Variants in DLGAP2 observed in about 807,000 individuals in gnomAD.
The protein encoded by DLGAP2 is DLG associated protein 2, also known as disks large-associated protein 2.
Under a neutral mutation model 100.3 loss-of-function variants are expected in DLGAP2, and 26 were observed. The ratio of observed to expected loss-of-function variants is 0.26; its 90% CI spans 0.19 to 0.36. The LOEUF is 0.36. Among genes scored for constraint, DLGAP2 ranks in the 10% least tolerant of loss-of-function variants. DLGAP2 has a pLI of 1.00. For missense variants in DLGAP2, 1,858 were observed against 1,453.2 expected (o/e 1.28, Z -4.53); for synonymous variants, 886 against 630.1 (o/e 1.41, Z -6.08).
chr8:1,039,997 A>AGTTTCCGTGGTCAGCTCG (rs879586513), intron 2 of DLGAP2, among the ~76,000 whole-genome samples: 22 of 43,850 alleles, frequency 5.0e-4, no homozygotes, highest in African/African-American at 1.4e-3. Context: ...TGGTCTGCTC[A>AGTTTCCGTGGTCAGCTCG]GTTTCCGTGG....
At chr8:1,670,095 CAGGT>C (rs1295119997) in intron 10 of DLGAP2, among the ~76,000 whole-genome samples, 1 of 152,174 alleles carries the variant, frequency 6.6e-6, no homozygotes, top group Non-Finnish European at 1.5e-5. Flanking sequence ...CCAAATTAGC[CAGGT>C]GACTTCCCAT....
intron 2 of DLGAP2, among the ~76,000 whole-genome samples, chr8:1,179,471 C>G (rs929055055): frequency 2.0e-5 from 3 of 152,264 alleles, no homozygotes; most frequent in Non-Finnish European, 4.4e-5. Context: ...GCGTCCCCAG[C>G]AGGCTCTGCA....
chr8:1,587,188 C>G (rs995654257), intron 6 of DLGAP2, among the ~76,000 whole-genome samples: 1 of 152,228 alleles, frequency 6.6e-6, no homozygotes, highest in African/African-American at 2.4e-5. Flanking sequence ...AAATACTGGT[C>G]TCTTTGCAGA....
At chr8:810,719 A>G (rs1400882989) in intron 1 of DLGAP2, among the ~76,000 whole-genome samples, 1 of 152,214 alleles carries the variant, frequency 6.6e-6, no homozygotes, top group African/African-American at 2.4e-5. Flanking sequence ...GGAGGAAGAA[A>G]AATAGCTGGC....
At chr8:1,163,855 A>C (rs1056715985) in intron 2 of DLGAP2, among the ~76,000 whole-genome samples, 2 of 152,168 alleles carry the variant, frequency 1.3e-5, no homozygotes, top group Non-Finnish European at 2.9e-5. Context: ...TCTGCTCAGC[A>C]CTGCGGCTGC....
intron 2 of DLGAP2, among the ~76,000 whole-genome samples, chr8:1,194,665 G>A (rs991204955): frequency 5.9e-5 from 9 of 152,206 alleles, no homozygotes; most frequent in Non-Finnish European, 1.0e-4. Context: ...GCTGCTTTGG[G>A]AAACTCACCT....
chr8:1,323,858 C>G (rs1357297949), intron 3 of DLGAP2, among the ~76,000 whole-genome samples: 2 of 152,224 alleles, frequency 1.3e-5, no homozygotes, highest in Non-Finnish European at 2.9e-5. Flanking sequence ...GGCTGTACTA[C>G]TAGCTGAAAC....
Position 1,229,657 on chromosome 8 carries a change from C to A in DLGAP2, c.74-29194C>A, listed in dbSNP as rs79591394. Among the ~76,000 whole-genome samples the A allele has an allele frequency of 6.8e-3, 1,039 of 152,282 alleles. 12 individuals are homozygous for A. The highest frequency in any genetic ancestry group is 0.024 in the African/African-American group (995 of 41,556). On this transcript the variant is annotated intron_variant, in intron 2 of 14. Coordinates refer to ENST00000637795, the MANE Select transcript of DLGAP2 (RefSeq NM_001346810.2). Reference sequence around the variant, plus strand: ...ACTAATAAAACCAACAGCACATCAACAAGTTAATTCACCACAATCAAGTAG... The same window carrying A: ...ACTAATAAAACCAACAGCACATCAAAAAGTTAATTCACCACAATCAAGTAG...
In DLGAP2 at chr8:1,702,237, A is replaced by G. The variant is rs911933932; in HGVS notation, c.*831A>G. 6.6e-6 allele frequency: 1 copy of G among 151,818 alleles called. No homozygotes were observed. Among genetic ancestry groups the G allele is most frequent in the Non-Finnish European group, 1.5e-5 (1 of 67,902 alleles). The allele number at this position is 151,818 out of a possible 1,614,324, so 9.4% of individuals were successfully genotyped here. ...GTTATTGTATTTTTTATTTCTTTCTAACTTAAAATACGACACCCAGTATTT... is the reference window on the plus strand; with the variant it reads ...GTTATTGTATTTTTTATTTCTTTCTGACTTAAAATACGACACCCAGTATTT... On this transcript the variant is annotated 3_prime_UTR_variant, in exon 15 of 15. Transcript: ENST00000637795.
At chr8:787,005 C>G (rs1459496035) in intron 1 of DLGAP2, among the ~76,000 whole-genome samples, 1 of 152,088 alleles carries the variant, frequency 6.6e-6, no homozygotes, top group Non-Finnish European at 1.5e-5. Flanking sequence ...GGAACAAGAC[C>G]TTTCTCTTTC....
chr8:1,556,179 G>T (rs116049105), intron 5 of DLGAP2, among the ~76,000 whole-genome samples: 1 of 152,318 alleles, frequency 6.6e-6, no homozygotes, highest in South Asian at 2.1e-4. Context: ...GCCACCGAGT[G>T]GTCACCTTGT....
intron 2 of DLGAP2, among the ~76,000 whole-genome samples, chr8:1,184,678 C>G (rs139661958): frequency 6.6e-6 from 1 of 152,202 alleles, no homozygotes; most frequent in African/African-American, 2.4e-5. Context: ...TTGCGGGAAA[C>G]AGTGGGGTGT....
At chr8:1,368,267 C>T (rs1027004634) in intron 3 of DLGAP2, among the ~76,000 whole-genome samples, 4 of 151,242 alleles carry the variant, frequency 2.6e-5, no homozygotes, top group Non-Finnish European at 5.9e-5. Flanking sequence ...TGCGTGTGTG[C>T]AGGTATGTGT....
intron 3 of DLGAP2, among the ~76,000 whole-genome samples, chr8:1,370,488 C>T (rs541517460): frequency 1.0e-3 from 159 of 152,326 alleles, no homozygotes; most frequent in African/African-American, 3.8e-3. Flanking sequence ...CCTTTATCTT[C>T]TATTTAAAGC....
At chr8:1,587,680 A>G (rs930815544) in intron 6 of DLGAP2, among the ~76,000 whole-genome samples, 1 of 152,218 alleles carries the variant, frequency 6.6e-6, no homozygotes, top group Non-Finnish European at 1.5e-5. Flanking sequence ...TAGGGTTACT[A>G]TTAAAAATAT....
intron 2 of DLGAP2, among the ~76,000 whole-genome samples, chr8:1,036,664 C>A (rs1802134465): frequency 1.3e-5 from 2 of 152,092 alleles, no homozygotes; most frequent in Admixed American, 6.5e-5. Context: ...TTGAACCGTG[C>A]ACCCTAGAGA....
rs542176727 is a variant in DLGAP2, at chr8:947,960, G to A, written c.73+39994G>A. Among the ~76,000 whole-genome samples the A allele has an allele frequency of 8.4e-4, 123 of 146,180 alleles. 1 individual carries two copies. The highest frequency in any genetic ancestry group is 3.0e-3 in the African/African-American group (116 of 39,120). ...GGTTCCACCGACCCCGTGCCAGCCCGCGTGCGCCATGGCTTCCCTGATCCC... is the reference window on the plus strand; with the variant it reads ...GGTTCCACCGACCCCGTGCCAGCCCACGTGCGCCATGGCTTCCCTGATCCC... On this transcript the variant is annotated intron_variant, in intron 2 of 14. Transcript: ENST00000637795.
At chr8:1,558,457 A>G (rs1167396530) in intron 5 of DLGAP2, among the ~76,000 whole-genome samples, 1 of 152,214 alleles carries the variant, frequency 6.6e-6, no homozygotes, top group Non-Finnish European at 1.5e-5. Flanking sequence ...CCTTTGCCAC[A>G]GTCTCTGGGA....
At chr8:1,501,472 C>T (rs990778883) in intron 4 of DLGAP2, 41 bp downstream of exon 4, 6 of 1,527,330 alleles carry the variant, frequency 3.9e-6, no homozygotes, top group African/African-American at 1.4e-5. Context: ...GGGGCCCGGA[C>T]AGAACCGGGC....
Sources: gnomAD v4.1 joint callset for allele counts (sites outside exome capture counted in the v4.1 genomes callset) on GRCh38, gnomAD v4.1.1 for gene constraint, MANE v1.5 for transcripts, NCBI Gene and HGNC (gene_info 2026-07-23, HGNC 2026-07-21) for gene names.